Variants in DOCK3 observed in about 807,000 individuals in gnomAD.
DOCK3 encodes the protein dedicator of cytokinesis protein 3.
Under a neutral mutation model 265.6 loss-of-function variants are expected in DOCK3, and 60 were observed. The ratio of observed to expected loss-of-function variants is 0.23; its 90% CI spans 0.18 to 0.28. The LOEUF (loss-of-function observed/expected upper bound fraction) is 0.28, where lower values mean the gene tolerates loss of function less well. Ranked by LOEUF, DOCK3 falls within the 10% of genes least tolerant of loss-of-function variation. The pLI is 1.00. For missense variants in DOCK3, 1,981 were observed against 2,594.3 expected (o/e 0.76, Z 5.14); for synonymous variants, 881 against 938.0 (o/e 0.94, Z 1.11).
chr3:51,068,269 G>C (rs566705582), intron 6 of DOCK3, among the ~76,000 whole-genome samples: 1 of 152,066 alleles, frequency 6.6e-6, no homozygotes, highest in Non-Finnish European at 1.5e-5. Context: ...GGCCGGGCGC[G>C]GTGGCTCACG....
intron 1 of DOCK3, among the ~76,000 whole-genome samples, chr3:50,733,439 T>C (rs557844630): frequency 2.0e-5 from 3 of 152,226 alleles, no homozygotes; most frequent in Non-Finnish European, 4.4e-5. Flanking sequence ...ACTGTTATAT[T>C]CCCTTCATGA....
intron 5 of DOCK3, among the ~76,000 whole-genome samples, chr3:50,988,325 C>T (rs2077978583): frequency 6.6e-6 from 1 of 152,230 alleles, no homozygotes; most frequent in East Asian, 1.9e-4. Context: ...GTCGTAGCTC[C>T]CAATCAGGGA....
At chr3:51,089,752 A>G (rs1325788351) in intron 8 of DOCK3, among the ~76,000 whole-genome samples, 1 of 151,912 alleles carries the variant, frequency 6.6e-6, no homozygotes, top group Non-Finnish European at 1.5e-5. Flanking sequence ...AAATAAAAAA[A>G]TTAGCTGGGC....
intron 4 of DOCK3, among the ~76,000 whole-genome samples, chr3:50,910,046 T>G (rs1056579070): frequency 3.3e-5 from 5 of 152,122 alleles, no homozygotes; most frequent in African/African-American, 1.2e-4. Flanking sequence ...GTGAATTTCC[T>G]GTGTTTTACT....
At chr3:50,946,494 A>C (rs1212622400) in intron 5 of DOCK3, among the ~76,000 whole-genome samples, 1 of 152,216 alleles carries the variant, frequency 6.6e-6, no homozygotes, top group Non-Finnish European at 1.5e-5. Flanking sequence ...TTTACAATCT[A>C]AAAGTATATT....
At chr3:51,066,654 G>C (rs1224021131) in intron 6 of DOCK3, among the ~76,000 whole-genome samples, 2 of 152,096 alleles carry the variant, frequency 1.3e-5, no homozygotes, top group Non-Finnish European at 2.9e-5. Context: ...TCTTAAGAAG[G>C]GACTTGCGGA....
chr3:50,770,719 G>A (rs2041222400), intron 1 of DOCK3, among the ~76,000 whole-genome samples: 1 of 152,120 alleles, frequency 6.6e-6, no homozygotes, highest in Non-Finnish European at 1.5e-5. Flanking sequence ...TAGACCAATG[G>A]AACAGAATAG....
At chr3:51,067,423 A>ACGTTTGTGTG in intron 6 of DOCK3, among the ~76,000 whole-genome samples, 1 of 35,434 alleles carries the variant, frequency 2.8e-5, no homozygotes, top group South Asian at 1.4e-3. Context: ...TCAATGAAAT[A>ACGTTTGTGTG]TGTTTGTGTG....
At chr3:50,719,474 C>G in intron 1 of DOCK3, 1 of 781,286 alleles carries the variant, frequency 1.3e-6, no homozygotes, top group Non-Finnish European at 2.1e-6. Flanking sequence ...AAGCACAAGT[C>G]AAATTTATTA....
intron 9 of DOCK3, among the ~76,000 whole-genome samples, chr3:51,091,742 G>T (rs888720887): frequency 6.6e-5 from 10 of 151,140 alleles, no homozygotes; most frequent in Admixed American, 1.3e-4. Context: ...GAACAGCTCT[G>T]GTCTGCAGCT....
intron 1 of DOCK3, among the ~76,000 whole-genome samples, chr3:50,692,756 T>C (rs1482720898): frequency 6.6e-6 from 1 of 152,232 alleles, no homozygotes; most frequent in Non-Finnish European, 1.5e-5. Flanking sequence ...TTATCTTTTT[T>C]TGTTTTTTTT....
At chr3:51,080,363 C>T (rs142720449) in intron 7 of DOCK3, among the ~76,000 whole-genome samples, 142 of 152,248 alleles carry the variant, frequency 9.3e-4, no homozygotes, top group Middle Eastern at 6.8e-3. Flanking sequence ...TTGCTAGGCA[C>T]TTGTAGTATA....
chr3:51,148,818 C>A (rs1186932063), intron 10 of DOCK3, among the ~76,000 whole-genome samples: 4 of 152,122 alleles, frequency 2.6e-5, no homozygotes, highest in African/African-American at 7.2e-5. Context: ...ATTGTCTTGG[C>A]AATGTGGGCT....
chr3:51,355,846 C>G (rs189193640), intron 41 of DOCK3, among the ~76,000 whole-genome samples: 2 of 152,294 alleles, frequency 1.3e-5, no homozygotes, highest in African/African-American at 4.8e-5. Context: ...CTGTTGACAT[C>G]TCACCTTGGC....
At chr3:50,865,538 T>C (rs777815854) in intron 3 of DOCK3, among the ~76,000 whole-genome samples, 26 of 152,254 alleles carry the variant, frequency 1.7e-4, no homozygotes, top group Non-Finnish European at 2.9e-4. Flanking sequence ...ACATTTTCTT[T>C]ATCCATTTGT....
intron 1 of DOCK3, among the ~76,000 whole-genome samples, chr3:50,727,953 A>C (rs1026207766): frequency 6.6e-6 from 1 of 152,200 alleles, no homozygotes; most frequent in Non-Finnish European, 1.5e-5. Context: ...CACACTATCA[A>C]CCAAAACTTG....
chr3:50,862,304 A>C (rs1037366338), intron 3 of DOCK3, among the ~76,000 whole-genome samples: 3 of 152,238 alleles, frequency 2.0e-5, no homozygotes, highest in African/African-American at 4.8e-5. Context: ...TATATCGTTC[A>C]GGGCAGAGGA....
At chr3:51,345,440 A>G (rs2085499774) in intron 38 of DOCK3, among the ~76,000 whole-genome samples, 1 of 152,104 alleles carries the variant, frequency 6.6e-6, no homozygotes, top group Non-Finnish European at 1.5e-5. Flanking sequence ...GCGAGACCCC[A>G]TCTCTATAAA....
chr3:51,345,431 C>T (rs533408044), intron 38 of DOCK3, among the ~76,000 whole-genome samples: 1 of 152,050 alleles, frequency 6.6e-6, no homozygotes, highest in African/African-American at 2.4e-5. Context: ...GGTAACATAG[C>T]GAGACCCCAT....
Sources: gnomAD v4.1 joint callset for allele counts (sites outside exome capture counted in the v4.1 genomes callset) on GRCh38, gnomAD v4.1.1 for gene constraint, MANE v1.5 for transcripts, NCBI Gene and HGNC (gene_info 2026-07-23, HGNC 2026-07-21) for gene names.